MARCHF3: variants seen among roughly 807,000 people sequenced by gnomAD.
MARCHF3 encodes E3 ubiquitin-protein ligase MARCHF3.
A neutral mutation model predicts 24.2 loss-of-function variants in MARCHF3; 13 were observed. The observed-to-expected ratio is 0.54, with a 90% CI of 0.35 to 0.85. The LOEUF (loss-of-function observed/expected upper bound fraction) is 0.85. MARCHF3 is among the 40% of genes least tolerant of loss of function. The pLI, the probability that MARCHF3 is intolerant of heterozygous loss-of-function variation, is 0.01. For missense variants in MARCHF3, 276 were observed against 325.0 expected (o/e 0.85, Z 1.16); for synonymous variants, 144 against 137.3 (o/e 1.05, Z -0.34).
At chr5:126,951,238 A>C (rs747678307) in intron 1 of MARCHF3, among the ~76,000 whole-genome samples, 3 of 152,026 alleles carry the variant, frequency 2.0e-5, no homozygotes, top group Non-Finnish European at 4.4e-5. Context: ...TACCTCACTG[A>C]TGCTCTTTAC....
intron 1 of MARCHF3, among the ~76,000 whole-genome samples, chr5:127,020,911 A>T (rs1041723545): frequency 3.9e-5 from 6 of 152,018 alleles, no homozygotes; most frequent in Non-Finnish European, 8.8e-5. Flanking sequence ...GACCCTGGAG[A>T]GCTAGCTAGC....
Position 126,914,998 on chromosome 5 carries a change from T to C in MARCHF3, c.325A>G (p.Asn109Asp), listed in dbSNP as rs1754672969. Residue 109 changes from asparagine (N) to aspartate (D), a missense_variant, in exon 3 of 5, where the codon AAC becomes GAC. Transcript: ENST00000308660. ...TGGCAGAGTTCACAGTAGCTGGTGTTTGAGGATGACAGCCAGTGCTCCAGG... is the reference window on the plus strand; with the variant it reads ...TGGCAGAGTTCACAGTAGCTGGTGTCTGAGGATGACAGCCAGTGCTCCAGG... ...SCLEHWLSSS[N>D]TSYCELCHFR... is the part of the protein sequence containing the mutation. 5 of 1,614,188 alleles carry C rather than the reference T, an allele frequency of 3.1e-6. No homozygotes were observed. The highest frequency in any genetic ancestry group is 4.2e-6 in the Non-Finnish European group (5 of 1,180,026).
chr5:127,003,256 G>A (rs1752189701), intron 1 of MARCHF3, among the ~76,000 whole-genome samples: 1 of 152,010 alleles, frequency 6.6e-6, no homozygotes, highest in South Asian at 2.1e-4. Flanking sequence ...GAGGCGGGCG[G>A]AACACGAGGT....
chr5:127,004,775 A>G (rs978995383), intron 1 of MARCHF3, among the ~76,000 whole-genome samples: 1 of 152,014 alleles, frequency 6.6e-6, no homozygotes, highest in Non-Finnish European at 1.5e-5. Flanking sequence ...GAGCTGCAAA[A>G]CCCCAGTGAA....
Position 126,920,364 on chromosome 5 carries a change from T to C in MARCHF3, c.-56-2137A>G, listed in dbSNP as rs958213964. On this transcript the variant is annotated intron_variant, in intron 1 of 4. Transcript: ENST00000308660. ...TCTGGCCTGCCCTTACAAAACTCCA[T>C]TGACATGATTTTAAATTCTCATAAT... Among the ~76,000 whole-genome samples, 4 of 152,312 alleles carry C rather than the reference T, an allele frequency of 2.6e-5. No individual in the cohort carries two copies. The South Asian group carries it at 8.3e-4, about 32-fold the overall frequency.
At chr5:126,937,230 GGC>G (rs1041192843) in intron 1 of MARCHF3, among the ~76,000 whole-genome samples, 9 of 152,196 alleles carry the variant, frequency 5.9e-5, no homozygotes, top group African/African-American at 2.2e-4. Context: ...CCCACTTGGG[GGC>G]AGTCACAGAT....
Position 126,870,802 on chromosome 5 carries a change from G to C in MARCHF3, c.604-11C>G, listed in dbSNP as rs755294366. The stretch of plus-strand genomic sequence containing the variant: ...GTACCTAAATGACACCTGGGGATGG[G>C]AGAGGAAAAGTAAGAGAAAAGAATT... On this transcript the variant is annotated splice_polypyrimidine_tract_variant and intron_variant, in intron 4 of 4. Coordinates refer to ENST00000308660, the MANE Select transcript of MARCHF3 (RefSeq NM_178450.5). 6.2e-7 allele frequency: 1 copy of C among 1,613,270 alleles called. No homozygotes were observed. Among genetic ancestry groups the C allele is most frequent in the Non-Finnish European group, 8.5e-7 (1 of 1,179,350 alleles).
At chr5:126,982,324 A>C (rs755396730) in intron 1 of MARCHF3, among the ~76,000 whole-genome samples, 11 of 152,108 alleles carry the variant, frequency 7.2e-5, no homozygotes, top group South Asian at 2.1e-4. Flanking sequence ...TGAACCCTTG[A>C]GCCATAACAT....
intron 3 of MARCHF3, among the ~76,000 whole-genome samples, chr5:126,895,500 T>A (rs1231601385): frequency 6.6e-6 from 1 of 152,126 alleles, no homozygotes; most frequent in Non-Finnish European, 1.5e-5. Flanking sequence ...GGTGTGGATG[T>A]CCTTTCTGTT....
intron 1 of MARCHF3, among the ~76,000 whole-genome samples, chr5:126,973,327 G>A (rs916250448): frequency 2.6e-5 from 4 of 152,226 alleles, no homozygotes; most frequent in African/African-American, 9.6e-5. Context: ...ACGTTTGCAT[G>A]CTAGGTTGCA....
chr5:126,915,665 TGAGTG>T (rs1299965821), intron 2 of MARCHF3, among the ~76,000 whole-genome samples: 1 of 152,182 alleles, frequency 6.6e-6, no homozygotes, highest in African/African-American at 2.4e-5. Flanking sequence ...AGCACAAAGC[TGAGTG>T]GTGGATTGTC....
chr5:126,917,954 C>T (rs759525695), intron 2 of MARCHF3, 30 bp downstream of exon 2: 30 of 1,598,048 alleles, frequency 1.9e-5, no homozygotes, highest in Middle Eastern at 1.7e-4. Flanking sequence ...GGATCAATTA[C>T]AGATTCATTT....
intron 4 of MARCHF3, 113 bp downstream of exon 4, chr5:126,878,072 G>T (rs3812061): frequency 0.023 from 22,202 of 981,238 alleles, 634 homozygotes; most frequent in South Asian, 0.1. Flanking sequence ...GCAATCGAAG[G>T]TCTGTTTTCT....
intron 1 of MARCHF3, among the ~76,000 whole-genome samples, chr5:127,026,547 T>C (rs1353141998): frequency 1.3e-5 from 2 of 152,172 alleles, no homozygotes; most frequent in Non-Finnish European, 2.9e-5. Flanking sequence ...AAGGTCACAT[T>C]CAATATAAGA....
chr5:126,897,356 G>A (rs577374896), intron 3 of MARCHF3, among the ~76,000 whole-genome samples: 6 of 151,974 alleles, frequency 3.9e-5, no homozygotes, highest in South Asian at 2.1e-4. Flanking sequence ...TTAAGGATGC[G>A]GATTTGGATG....
intron 3 of MARCHF3, among the ~76,000 whole-genome samples, chr5:126,904,212 A>G (rs1366610353): frequency 4.5e-4 from 67 of 147,886 alleles, no homozygotes; most frequent in Middle Eastern, 3.5e-3. Context: ...CCAGTCTATC[A>G]TTGTTGGACA....
Position 126,994,954 on chromosome 5 carries a change from G to A in MARCHF3, c.-57+35396C>T, listed in dbSNP as rs112681364. The stretch of plus-strand genomic sequence containing the variant: ...TTCGAGGGCAGAAAGCATCCAGCAC[G>A]GGAGAAAGATGAAGACTGGAAGACT... On this transcript the variant is annotated intron_variant, in intron 1 of 4. Transcript: ENST00000308660. 6.1e-3 allele frequency among the ~76,000 whole-genome samples: 925 copies of A among 152,312 alleles called. 11 individuals carry two copies. Among genetic ancestry groups the A allele is most frequent in the African/African-American group, 0.021 (878 of 41,568 alleles).
intron 3 of MARCHF3, among the ~76,000 whole-genome samples, chr5:126,881,516 A>T (rs1221377235): frequency 6.6e-6 from 1 of 152,230 alleles, no homozygotes; most frequent in Non-Finnish European, 1.5e-5. Flanking sequence ...ATTCCTAGCA[A>T]TATGGAATTG....
At position 127,019,586 on chromosome 5, in the gene MARCHF3, A is replaced by G. The variant is rs1580496211; in HGVS notation, c.-57+10764T>C. Among the ~76,000 whole-genome samples, 4 of 152,238 alleles carry G rather than the reference A, an allele frequency of 2.6e-5. No individual in the cohort carries two copies. The East Asian group carries it at 7.7e-4, about 29-fold the overall frequency. On this transcript the variant is annotated intron_variant, in intron 1 of 4. Transcript: ENST00000308660. ...GTGCTGTAGATATTGTCTTGTCTCC[A>G]AGTAACATCTAAACTGCTGAAGCCA...
Sources: gnomAD v4.1 joint callset for allele counts (sites outside exome capture counted in the v4.1 genomes callset) on GRCh38, gnomAD v4.1.1 for gene constraint, MANE v1.5 for transcripts, NCBI Gene and HGNC (gene_info 2026-07-23, HGNC 2026-07-21) for gene names.